The following VRK2 variants were observed in gnomAD, a reference collection of about 807,000 sequenced individuals.
The protein encoded by VRK2 is serine/threonine-protein kinase VRK2.
VRK2 carries 60 observed loss-of-function variants against 57.6 expected under a neutral mutation model. The observed-to-expected ratio is 1.04, with a 90% confidence interval of 0.85 to 1.29. The LOEUF (loss-of-function observed/expected upper bound fraction) is 1.29, where lower values mean the gene tolerates loss of function less well. VRK2 is among the 50% of genes most tolerant of loss of function. VRK2 has a pLI of 0.00. For synonymous variants in VRK2, 231 were observed against 199.2 expected (o/e 1.16, Z -1.35); for missense variants, 705 against 588.1 (o/e 1.20, Z -2.06).
intron 8 of VRK2, among the ~76,000 whole-genome samples, chr2:58,128,992 C>T (rs1336173684): frequency 6.6e-6 from 1 of 152,096 alleles, no homozygotes; most frequent in Non-Finnish European, 1.5e-5. Flanking sequence ...TTTGGCAATA[C>T]TTTATAATTT....
intron 7 of VRK2, among the ~76,000 whole-genome samples, chr2:58,102,871 A>G (rs114312379): frequency 1.3e-5 from 2 of 151,734 alleles, no homozygotes; most frequent in South Asian, 2.1e-4. Context: ...AAAAATCAAA[A>G]TCATATCAAG....
At chr2:57,926,983 A>G (rs1670558991) in intron 1 of VRK2, among the ~76,000 whole-genome samples, 1 of 96,666 alleles carries the variant, frequency 1.0e-5, no homozygotes, top group African/African-American at 3.8e-5. Context: ...TTCTCTGGTA[A>G]TATGTTTTAA....
At chr2:57,964,461 G>A (rs1354906079) in intron 1 of VRK2, among the ~76,000 whole-genome samples, 2 of 152,002 alleles carry the variant, frequency 1.3e-5, no homozygotes, top group Non-Finnish European at 1.5e-5. Flanking sequence ...GGATGGAGGA[G>A]GTAGAAGGGA....
intron 9 of VRK2, among the ~76,000 whole-genome samples, chr2:58,134,288 C>A (rs1403992069): frequency 2.0e-5 from 3 of 152,186 alleles, no homozygotes; most frequent in Non-Finnish European, 4.4e-5. Context: ...GGTCCTGCCC[C>A]ATCCCCAGGA....
At chr2:58,148,504 G>GT (rs1682503106) in intron 12 of VRK2, among the ~76,000 whole-genome samples, 2 of 151,258 alleles carry the variant, frequency 1.3e-5, no homozygotes, top group South Asian at 4.2e-4. Flanking sequence ...TATATTATTT[G>GT]TTTTTTTATT....
chr2:57,927,092 T>C (rs1670565286), intron 1 of VRK2, among the ~76,000 whole-genome samples: 1 of 151,512 alleles, frequency 6.6e-6, no homozygotes, highest in Non-Finnish European at 1.5e-5. Context: ...ACCCATTATT[T>C]TAAATGGATG....
At chr2:58,103,887 T>A (rs948779821) in intron 7 of VRK2, among the ~76,000 whole-genome samples, 59 of 151,950 alleles carry the variant, frequency 3.9e-4, no homozygotes, top group African/African-American at 1.4e-3. Flanking sequence ...ATTAAAAAGA[T>A]AATACACCAT....
chr2:58,096,368 A>G (rs1308408677), intron 7 of VRK2, among the ~76,000 whole-genome samples: 1 of 152,044 alleles, frequency 6.6e-6, no homozygotes, highest in Non-Finnish European at 1.5e-5. Context: ...TTGAATGTGA[A>G]ACTATTTGAT....
At chr2:57,963,316 C>A (rs1428373496) in intron 1 of VRK2, among the ~76,000 whole-genome samples, 1 of 152,162 alleles carries the variant, frequency 6.6e-6, no homozygotes, top group Non-Finnish European at 1.5e-5. Flanking sequence ...AATTTGTGTG[C>A]TATTCATTCC....
rs140791325 is a variant in VRK2, at chr2:57,953,578, T to C, written c.-439+45739T>C. On this transcript the variant is annotated intron_variant, in intron 1 of 15. Coordinates refer to the VRK2 transcript ENST00000417641. Reference sequence around the variant, plus strand: ...ACTTTTCTGCTTATTAAGGTAGTTATTATAGTTCCTGTATTCATCTTTTAC... The same window carrying C: ...ACTTTTCTGCTTATTAAGGTAGTTACTATAGTTCCTGTATTCATCTTTTAC... Among the ~76,000 whole-genome samples, 248 of 152,322 alleles carry C rather than the reference T, an allele frequency of 1.6e-3. 4 individuals are homozygous for C. Among genetic ancestry groups the C allele is most frequent in the Admixed American group, 0.014 (210 of 15,292 alleles).
At chr2:57,941,896 C>G (rs1339310189) in intron 1 of VRK2, among the ~76,000 whole-genome samples, 1 of 152,198 alleles carries the variant, frequency 6.6e-6, no homozygotes, top group Non-Finnish European at 1.5e-5. Flanking sequence ...AGTACATATT[C>G]CCTATAGTTT....
intron 10 of VRK2, 28 bp from the exon 11 acceptor site, chr2:58,139,638 G>A: frequency 6.3e-7 from 1 of 1,594,132 alleles, no homozygotes; most frequent in Middle Eastern, 1.9e-4. Flanking sequence ...AATTGTGAAT[G>A]ACATGTAAAA....
chr2:58,126,814 A>T (rs1324744643), intron 8 of VRK2, among the ~76,000 whole-genome samples: 1 of 152,060 alleles, frequency 6.6e-6, no homozygotes, highest in Non-Finnish European at 1.5e-5. Context: ...TCTGATAATT[A>T]AAGAGAATTA....
At chr2:58,043,627 G>C (rs973734280), upstream of VRK2, among the ~76,000 whole-genome samples, 2 of 152,072 alleles carry the variant, frequency 1.3e-5, no homozygotes, top group Non-Finnish European at 2.9e-5. Context: ...AGTATAATTT[G>C]CTTATTCATT....
Position 57,912,645 on chromosome 2 carries a change from G to C in VRK2, c.-439+4806G>C, listed in dbSNP as rs115911168. 3.3e-3 allele frequency among the ~76,000 whole-genome samples: 507 copies of C among 152,222 alleles called. 7 individuals are homozygous for C. Among genetic ancestry groups the C allele is most frequent in the African/African-American group, 0.012 (478 of 41,540 alleles). On this transcript the variant is annotated intron_variant, in intron 1 of 15. Coordinates refer to the VRK2 transcript ENST00000417641. ...TTTCTTATGGTTTAGTTGGATATTT[G>C]TAATTTGACTAAAGAGCAACCGCTT...
chr2:57,929,524 T>G (rs1341088278), intron 1 of VRK2, among the ~76,000 whole-genome samples: 1 of 152,144 alleles, frequency 6.6e-6, no homozygotes, highest in Non-Finnish European at 1.5e-5. Flanking sequence ...AATCAGGGAC[T>G]GCAAGAGCCT....
intron 7 of VRK2, among the ~76,000 whole-genome samples, chr2:58,119,550 G>A (rs142595950): frequency 2.0e-5 from 3 of 150,236 alleles, no homozygotes; most frequent in Non-Finnish European, 4.4e-5. Context: ...AGCCCCAACA[G>A]GTCAAATTAA....
chr2:57,955,166 T>C (rs1671543645), intron 1 of VRK2, among the ~76,000 whole-genome samples: 1 of 152,148 alleles, frequency 6.6e-6, no homozygotes, highest in Non-Finnish European at 1.5e-5. Flanking sequence ...AGAGTAAACT[T>C]CAATTAATAT....
At chr2:58,003,392 A>G (rs544476214) in intron 1 of VRK2, among the ~76,000 whole-genome samples, 2 of 152,244 alleles carry the variant, frequency 1.3e-5, no homozygotes, top group South Asian at 2.1e-4. Context: ...ACCTGGCTTT[A>G]GCACCACCGG....
Sources: gnomAD v4.1 joint callset for allele counts (sites outside exome capture counted in the v4.1 genomes callset) on GRCh38, gnomAD v4.1.1 for gene constraint, MANE v1.5 for transcripts, NCBI Gene and HGNC (gene_info 2026-07-23, HGNC 2026-07-21) for gene names.